MIA3: variants seen among roughly 807,000 people sequenced by gnomAD.
MIA3 encodes MIA SH3 domain ER export factor 3.
MIA3 carries 90 observed loss-of-function variants against 192.4 expected under a neutral mutation model. That is an observed-to-expected ratio of 0.47 (90% CI 0.39 to 0.56). The LOEUF (loss-of-function observed/expected upper bound fraction) is 0.56. MIA3 is among the 20% of genes least tolerant of loss of function. The probability of loss-of-function intolerance (pLI) is 0.00; values close to 1 mark genes in which losing one functional copy is unlikely to be tolerated. For synonymous variants in MIA3, 740 were observed against 792.8 expected (o/e 0.93, Z 1.12); for missense variants, 2,123 against 2,269.4 (o/e 0.94, Z 1.31).
chr1:222,645,010 C>T (rs1302606136), intron 6 of MIA3, among the ~76,000 whole-genome samples: 1 of 152,050 alleles, frequency 6.6e-6, no homozygotes, highest in African/African-American at 2.4e-5. Context: ...AAATTCAAAG[C>T]GGTTTATCTA....
intron 7 of MIA3, among the ~76,000 whole-genome samples, chr1:222,646,997 CAG>C (rs1470984340): frequency 2.6e-5 from 4 of 152,016 alleles, no homozygotes; most frequent in African/African-American, 9.7e-5. Context: ...AACATACACA[CAG>C]AAAATAAATG....
rs750239531 is a variant in MIA3 at position 222,659,959 on chromosome 1, T to C, written c.4928T>C (p.Val1643Ala). 66 of 1,613,898 alleles carry C rather than the reference T, an allele frequency of 4.1e-5. 1 individual carries two copies. Among genetic ancestry groups the C allele is most frequent in the Non-Finnish European group, 5.5e-5 (65 of 1,179,866 alleles). ...ATGCTGCAAGAAGAACCTGTGATTG[T>C]AAAACCAATGCCAGGAAAACCAAAT... ...MAMLQEEPVI[V>A]KPMPGKPNTQ... The change falls in exon 23 of 28, where the codon GTA (valine) becomes GCA (alanine). Residue 1643 changes from valine to alanine, a missense_variant. Around this residue, in one of 3 missense-constraint regions of MIA3, gnomAD observed 762 missense variants for 856.4 expected, o/e 0.89. Transcript: ENST00000344922.
rs751937897 is a variant in MIA3 at position 222,658,765 on chromosome 1, A to G, written c.4651A>G (p.Arg1551Gly). The G allele has an allele frequency of 5.0e-6, 8 of 1,613,156 alleles. No homozygotes were observed. In the Admixed American group the frequency reaches 1.0e-4, roughly 20 times the overall value. Residue 1551 changes from arginine (R) to glycine (G), a missense_variant, in exon 19 of 28, where the codon AGG becomes GGG. This residue lies in a region of MIA3 where 762 missense variants were observed against 856.4 expected (regional missense o/e 0.89). Transcript: ENST00000344922. The part of the protein sequence containing the change: ...EEYERQEREH[R>G]LSAADEKAVS... ...GTATGAACGGCAAGAAAGAGAGCACAGGCTGTCAGCTGCAGATGAAAAGGC... is the reference window on the plus strand; with the variant it reads ...GTATGAACGGCAAGAAAGAGAGCACGGGCTGTCAGCTGCAGATGAAAAGGC...
At chr1:222,651,909 T>C in intron 11 of MIA3, 68 bp from the exon 12 acceptor site, 2 of 872,516 alleles carry the variant, frequency 2.3e-6, no homozygotes, top group Middle Eastern at 2.4e-4. Flanking sequence ...TTTCTTCTTC[T>C]TAGTATGTAT....
rs1453089794 is a variant in MIA3, at chr1:222,659,663, ATTTC to A, written c.4806+10_4806+13del. On this transcript the variant is annotated splice_region_variant and intron_variant, in intron 21 of 27. Transcript: ENST00000344922. ...AGAAAGCTCATGAAAACTGGGTAAG[ATTTC>A]TTTTTTTCTTTCCCTTATTTTGTGC... 1 of 1,613,924 alleles carries A rather than the reference ATTTC, an allele frequency of 6.2e-7. No individual in the cohort carries two copies. The highest frequency in any genetic ancestry group is 1.1e-5 in the South Asian group (1 of 91,064).
chr1:222,647,139 C>A (rs1256506916), intron 7 of MIA3, among the ~76,000 whole-genome samples: 10 of 152,122 alleles, frequency 6.6e-5, no homozygotes, highest in African/African-American at 2.4e-4. Flanking sequence ...CAGAAAATAT[C>A]TTTTTATTTC....
intron 2 of MIA3, among the ~76,000 whole-genome samples, chr1:222,622,048 C>T (rs1661895574): frequency 6.6e-6 from 1 of 152,144 alleles, no homozygotes; most frequent in South Asian, 2.1e-4. Context: ...TTGTGATCCA[C>T]CCACCTTGAC....
chr1:222,628,236 T>A lies in MIA3; in HGVS notation c.1016T>A (p.Met339Lys). The stretch of plus-strand genomic sequence containing the variant: ...CTTACCTTTACAGATGGGGAAGATA[T>A]GAAAACTCCAGCAAAGTCTGGCGTT... ...PLLTFTDGED[M>K]KTPAKSGVEK... The change falls in exon 4 of 28, where the codon ATG becomes AAG. Residue 339 changes from methionine (M) to lysine (K), a missense_variant. Coordinates refer to ENST00000344922, the MANE Select transcript of MIA3 (RefSeq NM_198551.4). 6.2e-7 allele frequency: 1 copy of A among 1,614,104 alleles called. No individual in the cohort carries two copies. Among genetic ancestry groups the A allele is most frequent in the Non-Finnish European group, 8.5e-7 (1 of 1,180,020 alleles).
chr1:222,641,910 G>A, intron 6 of MIA3: 2 of 431,654 alleles, frequency 4.6e-6, no homozygotes, highest in Non-Finnish European at 4.6e-6. Flanking sequence ...TCTATCTATA[G>A]ATGACAGATA....
chr1:222,662,727 TC>T (rs1181732651), intron 26 of MIA3, among the ~76,000 whole-genome samples: 1 of 152,226 alleles, frequency 6.6e-6, no homozygotes, highest in Non-Finnish European at 1.5e-5. Flanking sequence ...AAGTGAAAAG[TC>T]CCCACTCTTG....
intron 7 of MIA3, among the ~76,000 whole-genome samples, chr1:222,648,540 C>T (rs1389530655): frequency 6.6e-6 from 1 of 152,154 alleles, no homozygotes. Flanking sequence ...AAGTTAAGTG[C>T]TCATTTCGTA....
chr1:222,656,989 T>A (rs2936023), intron 18 of MIA3, among the ~76,000 whole-genome samples: 33,656 of 152,130 alleles, frequency 0.22, 4,112 homozygotes, highest in Admixed American at 0.34. Flanking sequence ...ATTATGTGGA[T>A]CCCTTATGAG....
intron 18 of MIA3, among the ~76,000 whole-genome samples, chr1:222,656,635 AC>A (rs1663747472): frequency 6.6e-6 from 1 of 151,988 alleles, no homozygotes; most frequent in Non-Finnish European, 1.5e-5. Flanking sequence ...GAGGTTATAA[AC>A]ATCTCTTGAG....
chr1:222,664,478 C>A lies in MIA3; in HGVS notation c.5413+330C>A, dbSNP rs73124852. On this transcript the variant is annotated intron_variant, in intron 27 of 27. Transcript: ENST00000344922. ...AAAATACATCCCCTAACTAAGATGTCCTGTAGGTCACAAATATACACATTC... is the reference window on the plus strand; with the variant it reads ...AAAATACATCCCCTAACTAAGATGTACTGTAGGTCACAAATATACACATTC... Among the ~76,000 whole-genome samples the A allele has an allele frequency of 5.0e-3, 756 of 152,264 alleles. 5 individuals are homozygous for A. The highest frequency in any genetic ancestry group is 0.017 in the African/African-American group (714 of 41,546).
At chr1:222,634,088 C>G (rs375892257) in intron 6 of MIA3, among the ~76,000 whole-genome samples, 3 of 152,170 alleles carry the variant, frequency 2.0e-5, no homozygotes, top group African/African-American at 7.2e-5. Context: ...GGGAGCTGCC[C>G]ACCTTGGCCT....
rs201726575 is a variant in MIA3 at position 222,630,421 on chromosome 1, T to G, written c.3169+32T>G. 1.8e-4 allele frequency: 277 copies of G among 1,547,514 alleles called. No individual in the cohort carries two copies. The African/African-American group carries it at 3.1e-3, about 17-fold the overall frequency. ...TGCCTATGGCCTTGTAGAACAGGGCTGGAGAAGCAGGTGGGTGGGTCGCTG... is the reference window on the plus strand; with the variant it reads ...TGCCTATGGCCTTGTAGAACAGGGCGGGAGAAGCAGGTGGGTGGGTCGCTG... On this transcript the variant is annotated intron_variant, in intron 4 of 27. Transcript: ENST00000344922.
chr1:222,641,761 A>G, intron 6 of MIA3: 3 of 559,744 alleles, frequency 5.4e-6, no homozygotes, highest in East Asian at 9.7e-5. Flanking sequence ...TACCACTTTG[A>G]GCTGGGCAAT....
chr1:222,663,970 C>CA (rs1413682940), intron 26 of MIA3, 28 bp from the exon 27 acceptor site: 2 of 1,587,024 alleles, frequency 1.3e-6, no homozygotes, highest in Admixed American at 3.6e-5. Context: ...CATAGTATTT[C>CA]AAAACTTCAA....
At chr1:222,624,490 G>A (rs970890824) in intron 2 of MIA3, among the ~76,000 whole-genome samples, 3 of 152,146 alleles carry the variant, frequency 2.0e-5, no homozygotes, top group Non-Finnish European at 4.4e-5. Flanking sequence ...CATCTCTCCA[G>A]TAAATTGTAC....
Sources: gnomAD v4.1 joint callset for allele counts (sites outside exome capture counted in the v4.1 genomes callset) on GRCh38, gnomAD v4.1.1 for gene constraint, gnomAD v4.1.1 regional missense constraint, MANE v1.5 for transcripts, NCBI Gene and HGNC (gene_info 2026-07-23, HGNC 2026-07-21) for gene names.